Variants in NUDCD3 observed in about 807,000 individuals in gnomAD.
The protein encoded by NUDCD3 is NudC domain containing 3.
NUDCD3 carries 13 observed loss-of-function variants against 39.7 expected under a neutral mutation model. The observed-to-expected ratio is 0.33, with a 90% confidence interval of 0.21 to 0.52. The LOEUF (loss-of-function observed/expected upper bound fraction) is 0.52. Among genes scored for constraint, NUDCD3 ranks in the 20% least tolerant of loss-of-function variants. NUDCD3 has a pLI of 0.96. For missense variants in NUDCD3, 453 were observed against 458.1 expected, an observed-to-expected ratio of 0.99 and a Z score of 0.10; for synonymous variants, 175 against 172.4, an observed-to-expected ratio of 1.02 and a Z score of -0.12.
chr7:44,431,117 TG>T (rs944580089), intron 2 of NUDCD3, among the ~76,000 whole-genome samples: 18 of 152,142 alleles, frequency 1.2e-4, no homozygotes, highest in Non-Finnish European at 1.0e-4. Context: ...GCCAACAGTA[TG>T]TAAAAATAAG....
chr7:44,439,095 C>G (rs1799526969), intron 2 of NUDCD3, among the ~76,000 whole-genome samples: 1 of 152,026 alleles, frequency 6.6e-6, no homozygotes, highest in South Asian at 2.1e-4. Context: ...GGAGGAGTAG[C>G]GAGTGAGCAC....
At chr7:44,400,929 T>C (rs1798710590) in intron 4 of NUDCD3, among the ~76,000 whole-genome samples, 1 of 152,204 alleles carries the variant, frequency 6.6e-6, no homozygotes, top group South Asian at 2.1e-4. Flanking sequence ...TCACAGGATA[T>C]CTCCAACCCT....
chr7:44,393,214 G>C (rs545131625), intron 4 of NUDCD3, among the ~76,000 whole-genome samples: 14 of 152,242 alleles, frequency 9.2e-5, no homozygotes, highest in African/African-American at 3.1e-4. Flanking sequence ...CCCCAAAAGA[G>C]GCCTCCTTGG....
chr7:44,478,454 A>G (rs10264345), intron 2 of NUDCD3, among the ~76,000 whole-genome samples: 20,593 of 152,176 alleles, frequency 0.14, 1,727 homozygotes, highest in Non-Finnish European at 0.19. Flanking sequence ...TTGCAAGGCT[A>G]AGGCAGGAGA....
At chr7:44,456,276 T>A (rs1258809557) in intron 2 of NUDCD3, among the ~76,000 whole-genome samples, 3 of 151,186 alleles carry the variant, frequency 2.0e-5, no homozygotes, top group African/African-American at 7.3e-5. Flanking sequence ...TCTGAATAAC[T>A]GAAGAACTAG....
chr7:44,430,207 A>T (rs1799329226), intron 2 of NUDCD3, among the ~76,000 whole-genome samples: 1 of 152,148 alleles, frequency 6.6e-6, no homozygotes, highest in African/African-American at 2.4e-5. Context: ...CTAACAGGAG[A>T]CAGTGATGCA....
intron 1 of NUDCD3, among the ~76,000 whole-genome samples, chr7:44,486,502 T>C (rs1195978442): frequency 6.6e-6 from 1 of 151,494 alleles, no homozygotes; most frequent in African/African-American, 2.4e-5. Context: ...TGTGGGGAGA[T>C]GATGATGTAG....
intron 2 of NUDCD3, among the ~76,000 whole-genome samples, chr7:44,475,943 G>A (rs1800359629): frequency 6.6e-6 from 1 of 152,056 alleles, no homozygotes; most frequent in South Asian, 2.1e-4. Context: ...TTTTTTAAGA[G>A]AAATAATAGT....
At chr7:44,400,595 C>A (rs553720317) in intron 4 of NUDCD3, among the ~76,000 whole-genome samples, 2 of 152,324 alleles carry the variant, frequency 1.3e-5, no homozygotes, top group South Asian at 4.1e-4. Context: ...CCAGGCGATA[C>A]AAGGCAATAC....
chr7:44,440,456 T>C (rs998339373), intron 2 of NUDCD3, among the ~76,000 whole-genome samples: 2 of 74,614 alleles, frequency 2.7e-5, no homozygotes, highest in African/African-American at 1.1e-4. Flanking sequence ...AATTCTGGAA[T>C]AGAAAAGGGA....
At chr7:44,426,223 G>T in intron 3 of NUDCD3, 1 of 937,704 alleles carries the variant, frequency 1.1e-6, no homozygotes, top group Non-Finnish European at 1.3e-6. Context: ...GTTTGTTGCT[G>T]AGGGGAACAA....
chr7:44,438,184 C>A (rs548884274), intron 2 of NUDCD3, among the ~76,000 whole-genome samples: 1 of 151,894 alleles, frequency 6.6e-6, no homozygotes, highest in South Asian at 2.1e-4. Context: ...AGTGAGAGAC[C>A]CCCCCATCTC....
At chr7:44,418,444 A>G (rs181042261) in intron 3 of NUDCD3, among the ~76,000 whole-genome samples, 4 of 152,406 alleles carry the variant, frequency 2.6e-5, no homozygotes, top group African/African-American at 9.6e-5. Flanking sequence ...GACTCAAACC[A>G]CAGCTTTGCT....
intron 3 of NUDCD3, among the ~76,000 whole-genome samples, chr7:44,416,043 A>G (rs11763150): frequency 0.034 from 5,252 of 152,246 alleles, 133 homozygotes; most frequent in South Asian, 0.069. Flanking sequence ...TAAAAAAAAA[A>G]TCATTCAGCA....
At chr7:44,447,349 T>C (rs1206430836) in intron 2 of NUDCD3, among the ~76,000 whole-genome samples, 1 of 152,250 alleles carries the variant, frequency 6.6e-6, no homozygotes, top group Non-Finnish European at 1.5e-5. Context: ...AGTTTCCGTA[T>C]GTTTCCCATC....
At chr7:44,481,389 T>C (rs1341300948) in intron 2 of NUDCD3, 1 of 152,234 alleles carries the variant, frequency 6.6e-6, no homozygotes, top group African/African-American at 2.4e-5. Flanking sequence ...ATCGGAGAAA[T>C]TTCTTCTACT....
chr7:44,433,576 G>A (rs1563175583), intron 2 of NUDCD3, among the ~76,000 whole-genome samples: 1 of 152,154 alleles, frequency 6.6e-6, no homozygotes, highest in African/African-American at 2.4e-5. Context: ...GCATATGCGT[G>A]CATAAGGTAT....
chr7:44,410,335 C>T (rs191599208), intron 3 of NUDCD3, among the ~76,000 whole-genome samples: 1 of 152,278 alleles, frequency 6.6e-6, no homozygotes, highest in Non-Finnish European at 1.5e-5. Context: ...GGCATAAGGA[C>T]AGGCATCTAT....
At chr7:44,446,607 G>C (rs1296610712) in intron 2 of NUDCD3, among the ~76,000 whole-genome samples, 1 of 152,206 alleles carries the variant, frequency 6.6e-6, no homozygotes, top group African/African-American at 2.4e-5. Context: ...CTAGGCCCCA[G>C]GCTGGCCAAC....
Sources: allele counts gnomAD v4.1 joint callset (sites outside exome capture counted in the v4.1 genomes callset), GRCh38; gene constraint gnomAD v4.1.1; transcripts MANE v1.5; gene names NCBI Gene and HGNC (gene_info 2026-07-23, HGNC 2026-07-21).